The following CDH17 variants were observed in gnomAD, a reference collection of about 807,000 sequenced individuals.
The protein encoded by CDH17 is cadherin-17.
CDH17 carries 67 observed loss-of-function variants against 86.3 expected under a neutral mutation model. That is an observed-to-expected ratio of 0.78 (90% CI 0.64 to 0.95). CDH17 has a LOEUF of 0.95. CDH17 is among the 40% of genes least tolerant of loss of function. CDH17 has a pLI of 0.00. For missense variants in CDH17, 993 were observed against 1,017.6 expected, an observed-to-expected ratio of 0.98 and a Z score of 0.33; for synonymous variants, 367 against 366.4, an observed-to-expected ratio of 1.00 and a Z score of -0.02.
chr8:94,139,042 A>T (rs1263324317), intron 15 of CDH17, among the ~76,000 whole-genome samples: 2 of 152,228 alleles, frequency 1.3e-5, no homozygotes, highest in Non-Finnish European at 2.9e-5. Context: ...GCCTACCCAG[A>T]AATTATACAT....
In CDH17 at chr8:94,176,575, C is replaced by T. The variant is rs1320228108; in HGVS notation, c.390G>A (p.Lys130=). 2 of 1,613,744 alleles carry T rather than the reference C, an allele frequency of 1.2e-6. No homozygotes were observed. Among genetic ancestry groups the T allele is most frequent in the African/African-American group, 1.3e-5 (1 of 74,894 alleles). The change falls in exon 5 of 18, where the codon AAG becomes AAA. Residue 130 remains lysine, a synonymous_variant. Coordinates refer to ENST00000027335, the MANE Select transcript of CDH17 (RefSeq NM_004063.4). ...AGTTCTGCCTTACTGAGCCTTCGTA[C>T]TTTGACTGGAGAAACGTGGGTCGAT... is the stretch of plus-strand genomic sequence containing the variant. The part of the protein sequence containing the change: ...NDNRPTFLQS[K]YEGSVRQNSR...
chr8:94,170,302 A>T, intron 9 of CDH17, 95 bp downstream of exon 9: 1 of 1,272,582 alleles, frequency 7.9e-7, no homozygotes, highest in East Asian at 2.3e-5. Flanking sequence ...GACATGGATT[A>T]CTGACTCCCA....
chr8:94,148,024 GAGAGTT>G (rs1812779272), intron 14 of CDH17, among the ~76,000 whole-genome samples: 2 of 152,206 alleles, frequency 1.3e-5, no homozygotes, highest in Admixed American at 6.5e-5. Context: ...CAAAAAGGAT[GAGAGTT>G]ACAATTTAAG....
intron 1 of CDH17, among the ~76,000 whole-genome samples, chr8:94,200,532 CTTTTGTTTTTTTTTTTTTT>C (rs1336853201): frequency 8.0e-5 from 4 of 50,236 alleles, no homozygotes; most frequent in African/African-American, 1.6e-4. Context: ...TTATTATTAT[CTTTTGTTTTTTTTTTTTTT>C]TTTTTTTTTT....
chr8:94,143,664 G>A (rs1812680587), intron 15 of CDH17, among the ~76,000 whole-genome samples: 1 of 152,178 alleles, frequency 6.6e-6, no homozygotes, highest in Admixed American at 6.6e-5. Context: ...ACTTGCTTCT[G>A]CATCAATTTG....
chr8:94,179,908 T>C (rs1813446701), intron 3 of CDH17, among the ~76,000 whole-genome samples: 1 of 152,160 alleles, frequency 6.6e-6, no homozygotes, highest in East Asian at 1.9e-4. Context: ...ATGTTTGGTT[T>C]TCAACAAATT....
intron 3 of CDH17, among the ~76,000 whole-genome samples, chr8:94,178,088 C>G (rs559580203): frequency 5.7e-4 from 87 of 152,236 alleles, no homozygotes; most frequent in African/African-American, 2.0e-3. Flanking sequence ...TTTAGCACTT[C>G]TAAAAATTGT....
In CDH17 at chr8:94,180,406, A is replaced by G; in HGVS notation, c.151-2685T>C. Among the ~76,000 whole-genome samples, 3 of 152,324 alleles carry G rather than the reference A, an allele frequency of 2.0e-5. 1 individual carries two copies. Among genetic ancestry groups the G allele is most frequent in the Middle Eastern group, 3.4e-3 (1 of 294 alleles). ...AAAACTTCACAAATTTAAGAAAAACATGAATCTATATATCCAACAATCACT... is the reference window on the plus strand; with the variant it reads ...AAAACTTCACAAATTTAAGAAAAACGTGAATCTATATATCCAACAATCACT... On this transcript the variant is annotated intron_variant, in intron 3 of 17. Coordinates refer to ENST00000027335, the MANE Select transcript of CDH17 (RefSeq NM_004063.4).
At chr8:94,161,147 A>G (rs1025228980) in intron 11 of CDH17, among the ~76,000 whole-genome samples, 15 of 152,322 alleles carry the variant, frequency 9.8e-5, no homozygotes, top group African/African-American at 3.6e-4. Context: ...TCAATCTAAA[A>G]AACACTGTCT....
In CDH17 at chr8:94,131,005, GAA is replaced by G. The variant is rs113977006; in HGVS notation, c.2168-15_2168-14del. On this transcript the variant is annotated splice_polypyrimidine_tract_variant and intron_variant, in intron 15 of 17. Coordinates refer to ENST00000027335, the MANE Select transcript of CDH17 (RefSeq NM_004063.4). The stretch of plus-strand genomic sequence containing the variant: ...CGGGCATGAGTACCTGCCAGGACAG[GAA>G]AAAAAAATGAAAATACAACTTCAGA... 1.5e-6 allele frequency: 2 copies of G among 1,333,184 alleles called. No individual in the cohort carries two copies. Among genetic ancestry groups the G allele is most frequent in the South Asian group, 1.2e-5 (1 of 81,088 alleles). 82.6% of individuals were successfully genotyped at this position (1,333,184 alleles called of 1,614,324 possible).
chr8:94,164,357 C>T (rs1421360771), intron 10 of CDH17, among the ~76,000 whole-genome samples: 3 of 152,210 alleles, frequency 2.0e-5, no homozygotes, highest in East Asian at 1.9e-4. Flanking sequence ...AGAATGAGTG[C>T]TCCTTGAGGA....
At chr8:94,129,998 T>G (rs1420079185) in intron 17 of CDH17, among the ~76,000 whole-genome samples, 3 of 152,120 alleles carry the variant, frequency 2.0e-5, no homozygotes, top group Non-Finnish European at 4.4e-5. Flanking sequence ...TCTCAAGCAT[T>G]TTGGGTAAGG....
chr8:94,144,188 A>C (rs571384705), intron 15 of CDH17, among the ~76,000 whole-genome samples: 1 of 152,290 alleles, frequency 6.6e-6, no homozygotes, highest in South Asian at 2.1e-4. Context: ...GCCCAAGGAG[A>C]GAGAGAGACA....
intron 3 of CDH17, among the ~76,000 whole-genome samples, chr8:94,185,158 G>T (rs928910697): frequency 6.6e-6 from 1 of 151,956 alleles, no homozygotes; most frequent in Non-Finnish European, 1.5e-5. Flanking sequence ...TAAAACAAGC[G>T]GTTGTACCAA....
chr8:94,136,912 T>C (rs1315556718), intron 15 of CDH17, among the ~76,000 whole-genome samples: 1 of 152,128 alleles, frequency 6.6e-6, no homozygotes, highest in Non-Finnish European at 1.5e-5. Context: ...TTGCTGGAGG[T>C]CCACTCCAGA....
intron 1 of CDH17, among the ~76,000 whole-genome samples, chr8:94,206,023 T>A (rs957921385): frequency 6.6e-6 from 1 of 152,180 alleles, no homozygotes; most frequent in Non-Finnish European, 1.5e-5. Flanking sequence ...AAGTAATAAG[T>A]ATATGGTCAA....
intron 3 of CDH17, among the ~76,000 whole-genome samples, chr8:94,185,143 A>G (rs1216069190): frequency 6.6e-6 from 1 of 152,068 alleles, no homozygotes; most frequent in African/African-American, 2.4e-5. Context: ...CAGTTTCCCC[A>G]TTTTTAAAAC....
At chr8:94,133,233 G>A (rs952686024) in intron 15 of CDH17, among the ~76,000 whole-genome samples, 6 of 152,158 alleles carry the variant, frequency 3.9e-5, no homozygotes, top group Non-Finnish European at 7.4e-5. Context: ...GGATGGCATT[G>A]AATCTATGAA....
chr8:94,156,183 G>A (rs1244018186), intron 12 of CDH17, among the ~76,000 whole-genome samples: 1 of 152,196 alleles, frequency 6.6e-6, no homozygotes, highest in Admixed American at 6.5e-5. Flanking sequence ...GTCAAACCTA[G>A]AGATTTAGAT....
Sources: allele counts gnomAD v4.1 joint callset (sites outside exome capture counted in the v4.1 genomes callset), GRCh38; gene constraint gnomAD v4.1.1; transcripts MANE v1.5; gene names NCBI Gene and HGNC (gene_info 2026-07-23, HGNC 2026-07-21).